FAM151A: variants seen among roughly 807,000 people sequenced by gnomAD.
FAM151A encodes protein FAM151A.
FAM151A carries 41 observed loss-of-function variants against 40.4 expected under a neutral mutation model. The ratio of observed to expected loss-of-function variants is 1.01; its 90% CI spans 0.79 to 1.32. The LOEUF (loss-of-function observed/expected upper bound fraction) is 1.32, where lower values mean the gene tolerates loss of function less well. FAM151A is among the 40% of genes most tolerant of loss of function. The pLI is 0.00. For missense variants in FAM151A, 740 were observed against 740.4 expected (o/e 1.00, Z 0.01); for synonymous variants, 337 against 312.5 (o/e 1.08, Z -0.83).
At chr1:54,613,513 C>G (rs190629438) in intron 4 of FAM151A, among the ~76,000 whole-genome samples, 2 of 152,188 alleles carry the variant, frequency 1.3e-5, no homozygotes, top group East Asian at 3.9e-4. Flanking sequence ...GTCTCAAACT[C>G]CTGAGTTCAA....
At position 54,617,461 on chromosome 1, in the gene FAM151A, TAAAA is replaced by T. The variant is rs35936174; in HGVS notation, c.263-1293_263-1290del. 2.4e-4 allele frequency among the ~76,000 whole-genome samples: 32 copies of T among 134,004 alleles called. No homozygotes were observed. The East Asian group carries it at 5.8e-3, about 24-fold the overall frequency. The allele number at this position is 134,004 out of a possible 152,430, so 87.9% of individuals were successfully genotyped here. On this transcript the variant is annotated intron_variant, in intron 2 of 7. Transcript: ENST00000302250. ...TGTACCTGATCATGTCACTTTCTGT[TAAAA>T]AAAAAAAAAAAAAGGCCAGAAAACC...
chr1:54,610,816 C>T (rs1020908611), intron 6 of FAM151A: 25 of 985,254 alleles, frequency 2.5e-5, no homozygotes, highest in South Asian at 1.9e-4. Flanking sequence ...CCTTCCCGCT[C>T]GCTTAGGTGG....
intron 2 of FAM151A, among the ~76,000 whole-genome samples, chr1:54,617,709 A>ATTTTTTTTTTTTTT (rs56229276): frequency 1.8e-5 from 1 of 55,766 alleles, no homozygotes; most frequent in Non-Finnish European, 3.0e-5. Context: ...AGGGCCTGAG[A>ATTTTTTTTTTTTTT]TTTTTTTTTT....
At chr1:54,615,526 G>C (rs1054660218) in intron 3 of FAM151A, among the ~76,000 whole-genome samples, 6 of 152,132 alleles carry the variant, frequency 3.9e-5, no homozygotes, top group African/African-American at 1.4e-4. Flanking sequence ...CCAGTGAGGA[G>C]GGAGGTCCTG....
At chr1:54,617,013 AT>A (rs1278511651) in intron 2 of FAM151A, among the ~76,000 whole-genome samples, 1 of 152,156 alleles carries the variant, frequency 6.6e-6, no homozygotes. Context: ...CCACAGGGTC[AT>A]TTTTAAAGCC....
Position 54,622,753 on chromosome 1 carries a change from T to C in FAM151A, c.118+525A>G, listed in dbSNP as rs190294234. On this transcript the variant is annotated intron_variant, in intron 1 of 7. Transcript: ENST00000302250. Reference sequence around the variant, plus strand: ...AAAACTCCGTCTCAAAAAAAATAGTTAACGGGACTTTCTGCTGGGGAAGTC... The same window carrying C: ...AAAACTCCGTCTCAAAAAAAATAGTCAACGGGACTTTCTGCTGGGGAAGTC... Among the ~76,000 whole-genome samples, 385 of 147,602 alleles carry C rather than the reference T, an allele frequency of 2.6e-3. 1 individual carries two copies. The highest frequency in any genetic ancestry group is 7.6e-3 in the African/African-American group (306 of 40,450).
At chr1:54,613,253 G>T (rs1236954170) in intron 4 of FAM151A, among the ~76,000 whole-genome samples, 2 of 152,024 alleles carry the variant, frequency 1.3e-5, no homozygotes, top group African/African-American at 2.4e-5. Context: ...GTGGCGCATG[G>T]CTATAATCCC....
chr1:54,618,801 C>T (rs1644200324), intron 2 of FAM151A, among the ~76,000 whole-genome samples: 1 of 152,134 alleles, frequency 6.6e-6, no homozygotes, highest in Non-Finnish European at 1.5e-5. Flanking sequence ...CAGTCCCCAC[C>T]CTAACACTTT....
rs749444148 is a variant in FAM151A, at chr1:54,610,499, G to A, written c.997C>T (p.Gln333Ter). Reference protein sequence around the residue: ...YTGGSLIPLLQLPGDDGLNVE... With the variant: ...YTGGSLIPLL ...TTCAGACCGTCATCCCCAGGCAGCT[G>A]GAGAAGAGGGATCAGGCTGCCTCCC... is the stretch of plus-strand genomic sequence containing the variant. The change falls in exon 7 of 8, where the codon CAG becomes TAG. Residue 333 changes from glutamine (Q) to a stop codon, truncating the protein, a stop_gained. Coordinates refer to ENST00000302250, the MANE Select transcript of FAM151A (RefSeq NM_176782.3). LOFTEE classifies it high-confidence loss of function. 3.1e-6 allele frequency: 5 copies of A among 1,613,402 alleles called. No homozygotes were observed. The Admixed American group carries it at 6.7e-5, about 22-fold the overall frequency.
chr1:54,621,265 T>C (rs1644227840), intron 1 of FAM151A, among the ~76,000 whole-genome samples: 1 of 152,016 alleles, frequency 6.6e-6, no homozygotes, highest in South Asian at 2.1e-4. Flanking sequence ...ACGATCAGCC[T>C]GGCCAACATG....
chr1:54,609,491 A>G lies in FAM151A; in HGVS notation c.1535T>C (p.Met512Thr), dbSNP rs767170524. The change falls in exon 8 of 8, where the codon ATG becomes ACG. Residue 512 changes from methionine (M) to threonine (T), a missense_variant. Transcript: ENST00000302250. ...GCTGTGGCCCAGCAGCATGGCCTGC[A>G]TCTGGAAGGACACAGGTTGCCAGAG... is the stretch of plus-strand genomic sequence containing the variant. ...QGLWQPVSFQ[M>T]QAMLLGHSTA... 7 of 1,613,384 alleles carry G rather than the reference A, an allele frequency of 4.3e-6. No homozygotes were observed. The South Asian group carries it at 6.6e-5, about 15-fold the overall frequency.
chr1:54,614,924 G>A (rs1644155888), intron 3 of FAM151A, 65 bp from the exon 4 acceptor site: 2 of 1,519,106 alleles, frequency 1.3e-6, no homozygotes, highest in Non-Finnish European at 1.8e-6. Context: ...GACTCCCTGG[G>A]CAGAAAGCAG....
chr1:54,619,306 G>A lies in FAM151A; in HGVS notation c.262+558C>T, dbSNP rs116556038. Among the ~76,000 whole-genome samples the A allele has an allele frequency of 1.0e-2, 1,522 of 152,306 alleles. 21 individuals carry two copies. The highest frequency in any genetic ancestry group is 0.014 in the Non-Finnish European group (960 of 68,032). On this transcript the variant is annotated intron_variant, in intron 2 of 7. Transcript: ENST00000302250. ...GGAGAGGGTGGGGGTCAAGCGTCAC[G>A]CAGTGGCTTGGAGCGTGCACTCTGG...
chr1:54,622,230 C>T (rs1644236616), intron 1 of FAM151A, among the ~76,000 whole-genome samples: 1 of 132,854 alleles, frequency 7.5e-6, no homozygotes, highest in Admixed American at 8.7e-5. Flanking sequence ...GAGCCGATAT[C>T]ATGTCACCGC....
In FAM151A at chr1:54,609,871, A is replaced by G. The variant is rs552412386; in HGVS notation, c.1155T>C (p.Val385=). The change falls in exon 8 of 8, where the codon GTT becomes GTC. Residue 385 remains valine (V), a synonymous_variant. Transcript: ENST00000302250. ...TCAGGATGTTGCCACTTGGAGTATGAACAATGGGCACGGGGTTTTCAGCCA... is the reference window on the plus strand; with the variant it reads ...TCAGGATGTTGCCACTTGGAGTATGGACAATGGGCACGGGGTTTTCAGCCA... ...GTVAENPVPI[V]HTPSGNILTL... is the part of the protein sequence containing the mutation. 34 of 1,613,768 alleles carry G rather than the reference A, an allele frequency of 2.1e-5. No individual in the cohort carries two copies. In the African/African-American group the frequency reaches 2.8e-4, roughly 13 times the overall value.
intron 2 of FAM151A, among the ~76,000 whole-genome samples, chr1:54,618,931 A>G (rs1644201513): frequency 6.6e-6 from 1 of 152,166 alleles, no homozygotes; most frequent in Non-Finnish European, 1.5e-5. Flanking sequence ...ATTTATATGG[A>G]GTTGATTGCT....
chr1:54,617,618 A>G (rs1465607079), intron 2 of FAM151A, among the ~76,000 whole-genome samples: 1 of 145,814 alleles, frequency 6.9e-6, no homozygotes, highest in East Asian at 2.1e-4. Flanking sequence ...AGTTCCAGGC[A>G]CCCAGCTTCT....
chr1:54,613,353 T>A (rs1359137687), intron 4 of FAM151A, among the ~76,000 whole-genome samples: 1 of 151,928 alleles, frequency 6.6e-6, no homozygotes. Context: ...CATTCCAACT[T>A]GGGCAACAGA....
At chr1:54,614,187 G>C (rs919278466) in intron 4 of FAM151A, among the ~76,000 whole-genome samples, 2 of 152,174 alleles carry the variant, frequency 1.3e-5, no homozygotes, top group African/African-American at 4.8e-5. Flanking sequence ...GTAAACTGTA[G>C]AGCACTGTGC....
Sources: allele counts gnomAD v4.1 joint callset (sites outside exome capture counted in the v4.1 genomes callset), GRCh38; gene constraint gnomAD v4.1.1; transcripts MANE v1.5; gene names NCBI Gene and HGNC (gene_info 2026-07-23, HGNC 2026-07-21).